ICE2: variants seen among roughly 807,000 people sequenced by gnomAD.
The protein encoded by ICE2 is interactor of little elongation complex ELL subunit 2.
In ICE2, 87 loss-of-function variants were observed where a neutral mutation model predicts 105.4. The observed-to-expected ratio is 0.83, with a 90% CI of 0.69 to 0.99. ICE2 has a LOEUF of 0.99. ICE2 is among the 50% of genes least tolerant of loss of function. The pLI is 0.00. For synonymous variants in ICE2, 399 were observed against 392.0 expected, an observed-to-expected ratio of 1.02 and a Z score of -0.21; for missense variants, 1,323 against 1,146.7, an observed-to-expected ratio of 1.15 and a Z score of -2.22.
intron 9 of ICE2, 75 bp downstream of exon 9, chr15:60,453,528 T>C (rs777687177): frequency 1.3e-6 from 2 of 1,563,828 alleles, no homozygotes; most frequent in Non-Finnish European, 1.7e-6. Flanking sequence ...GGTTTAGGGA[T>C]TTGCAATAAA....
chr15:60,449,526 A>T lies in ICE2; in HGVS notation c.1441T>A (p.Cys481Ser). 6.2e-7 allele frequency: 1 copy of T among 1,614,064 alleles called. No homozygotes were observed. The highest frequency in any genetic ancestry group is 1.3e-5 in the African/African-American group (1 of 75,014). The change falls in exon 10 of 16, where the codon TGC becomes AGC. Residue 481 changes from cysteine (C) to serine (S), a missense_variant. Physicochemically the swap from Cys to Ser is moderately radical, Grantham distance 112 (BLOSUM62 -1). Coordinates refer to ENST00000261520, the MANE Select transcript of ICE2 (RefSeq NM_024611.6). ...VTGMDGGPEECKNKDDQGFES... is the reference protein window; with the variant it reads ...VTGMDGGPEESKNKDDQGFES... ...AATCCCTGATCATCTTTATTTTTGCATTCCTCAGGGCCACCATCCATACCA... is the reference window on the plus strand; with the variant it reads ...AATCCCTGATCATCTTTATTTTTGCTTTCCTCAGGGCCACCATCCATACCA...
Position 60,436,482 on chromosome 15 carries a change from ACGAAATCATT to A in ICE2, c.2426-265_2426-256del, listed in dbSNP as rs549082270. On this transcript the variant is annotated intron_variant, in intron 12 of 15. Coordinates refer to ENST00000261520, the MANE Select transcript of ICE2 (RefSeq NM_024611.6). ...TATATGTTTACACATGTCCACACAT[ACGAAATCATT>A]TCAAAGCCTACAATTTATGAACAAC... Among the ~76,000 whole-genome samples the A allele has an allele frequency of 2.1e-4, 32 of 152,292 alleles. No homozygotes were observed. The East Asian group carries it at 6.0e-3, about 28-fold the overall frequency.
intron 5 of ICE2, among the ~76,000 whole-genome samples, chr15:60,465,465 G>A (rs888810873): frequency 6.6e-6 from 1 of 152,134 alleles, no homozygotes; most frequent in Non-Finnish European, 1.5e-5. Flanking sequence ...GAAACAATAG[G>A]TGTGAGTCAC....
At position 60,469,210 on chromosome 15, in the gene ICE2, C is replaced by T. The variant is rs142670630; in HGVS notation, c.147-888G>A. ...ACTAACGCATGAACAGAAAACCAAA[C>T]ACCACATGTTCTCACTTATAAGTGG... On this transcript the variant is annotated intron_variant, in intron 3 of 15. Coordinates refer to ENST00000261520, the MANE Select transcript of ICE2 (RefSeq NM_024611.6). Among the ~76,000 whole-genome samples, 39 of 152,288 alleles carry T rather than the reference C, an allele frequency of 2.6e-4. No homozygotes were observed. In the East Asian group the frequency reaches 6.0e-3, roughly 23 times the overall value.
intron 13 of ICE2, among the ~76,000 whole-genome samples, chr15:60,433,466 T>TTC (rs368234959): frequency 4.6e-5 from 7 of 151,292 alleles, no homozygotes; most frequent in South Asian, 2.1e-4. Context: ...CTTCCTTTTC[T>TTC]TCTCTCTCTC....
intron 5 of ICE2, among the ~76,000 whole-genome samples, chr15:60,464,637 G>A (rs2064371077): frequency 6.6e-6 from 1 of 152,152 alleles, no homozygotes; most frequent in East Asian, 1.9e-4. Flanking sequence ...CCAGTCCGCA[G>A]GTGGGGGAAG....
chr15:60,434,852 A>G (rs2063547618), intron 13 of ICE2, among the ~76,000 whole-genome samples: 1 of 152,236 alleles, frequency 6.6e-6, no homozygotes. Flanking sequence ...ATTACAGTTC[A>G]TCATAATTTA....
intron 5 of ICE2, among the ~76,000 whole-genome samples, chr15:60,460,718 G>A (rs2064251840): frequency 6.6e-6 from 1 of 152,044 alleles, no homozygotes; most frequent in Non-Finnish European, 1.5e-5. Context: ...CCCCTACCAA[G>A]CTCTAGACAT....
At chr15:60,424,433 C>T (rs936709724) in intron 15 of ICE2, among the ~76,000 whole-genome samples, 9 of 1,982 alleles carry the variant, frequency 4.5e-3, no homozygotes, top group Admixed American at 7.5e-3. Context: ...GGGGAAGGAA[C>T]TTTGCTGTGG....
chr15:60,449,124 C>T lies in ICE2; in HGVS notation c.1843G>A (p.Val615Ile). The part of the protein sequence containing the change: ...SPNSSSGQAS[V>I]GNQTNTACSP... Reference sequence around the variant, plus strand: ...CAAGCAGTATTAGTCTGGTTTCCTACAGAAGCCTGTCCTGAGGAAGAATTT... The same window carrying T: ...CAAGCAGTATTAGTCTGGTTTCCTATAGAAGCCTGTCCTGAGGAAGAATTT... The change falls in exon 10 of 16, where the codon GTA becomes ATA. Residue 615 changes from valine to isoleucine, a missense_variant. Val to Ile is a conservative substitution (Grantham distance 29, BLOSUM62 3). Transcript: ENST00000261520. 1 of 1,614,060 alleles carries T rather than the reference C, an allele frequency of 6.2e-7. No homozygotes were observed. Among genetic ancestry groups the T allele is most frequent in the African/African-American group, 1.3e-5 (1 of 75,028 alleles).
chr15:60,463,547 T>C (rs1399159439), intron 5 of ICE2, among the ~76,000 whole-genome samples: 1 of 152,048 alleles, frequency 6.6e-6, no homozygotes, highest in African/African-American at 2.4e-5. Context: ...CCGAGGCAGG[T>C]AAATCGCCTG....
chr15:60,451,304 A>C, intron 9 of ICE2: 1 of 825,288 alleles, frequency 1.2e-6, no homozygotes, highest in African/African-American at 1.8e-5. Flanking sequence ...TTCCCTTCCC[A>C]AGAATCCAAA....
intron 5 of ICE2, among the ~76,000 whole-genome samples, chr15:60,464,443 T>G (rs1458561701): frequency 6.6e-6 from 1 of 152,154 alleles, no homozygotes; most frequent in Non-Finnish European, 1.5e-5. Context: ...AGGGTCATAC[T>G]ACATTCCATA....
Position 60,448,098 on chromosome 15 carries a change from G to C in ICE2, c.2167C>G (p.Leu723Val), listed in dbSNP as rs756902154. 2.5e-6 allele frequency: 4 copies of C among 1,612,760 alleles called. No homozygotes were observed. Among genetic ancestry groups the C allele is most frequent in the South Asian group, 1.1e-5 (1 of 91,034 alleles). ...QDYVEDTSEY[L>V]APQEGNFVYK... ...ACAAAATTTCCTTCCTGAGGAGCTA[G>C]GTATTCCGATGTATCTTCAACATAG... The change falls in exon 11 of 16, where the codon CTA (leucine) becomes GTA (valine). Residue 723 changes from leucine to valine, a missense_variant. Leu to Val is a conservative substitution (Grantham distance 32, BLOSUM62 1). Transcript: ENST00000261520.
rs575012301 is a variant in ICE2, at chr15:60,465,186, GT to G, written c.528+1407del. Reference sequence around the variant, plus strand: ...TAACAGCAAAATTCTTCCTTACAGTGTTTTTTTTTTCCTTCCTTTTTCTGAG... The same window carrying G: ...TAACAGCAAAATTCTTCCTTACAGTGTTTTTTTTTCCTTCCTTTTTCTGAG... On this transcript the variant is annotated intron_variant, in intron 5 of 15. Transcript: ENST00000261520. 2.1e-4 allele frequency among the ~76,000 whole-genome samples: 31 copies of G among 148,676 alleles called. No homozygotes were observed. In the East Asian group the frequency reaches 5.8e-3, roughly 28 times the overall value.
intron 5 of ICE2, 23 bp from the exon 6 acceptor site, chr15:60,456,817 A>T: frequency 7.1e-7 from 1 of 1,416,926 alleles, no homozygotes; most frequent in Non-Finnish European, 9.4e-7. Context: ...AATTAAGAAA[A>T]ATTCATTTGT....
In ICE2 at chr15:60,449,847, G is replaced by T; in HGVS notation, c.1126-6C>A. On this transcript the variant is annotated splice_polypyrimidine_tract_variant and splice_region_variant and intron_variant, in intron 9 of 15. Transcript: ENST00000261520. ...TCGTTGACTTCACAGGACATCTTATGTAAATAAATTGGTAAAGTATTAGTA... is the reference window on the plus strand; with the variant it reads ...TCGTTGACTTCACAGGACATCTTATTTAAATAAATTGGTAAAGTATTAGTA... The T allele has an allele frequency of 2.5e-6, 4 of 1,598,384 alleles. No homozygotes were observed. Among genetic ancestry groups the T allele is most frequent in the Non-Finnish European group, 3.4e-6 (4 of 1,173,234 alleles).
rs777264158 is a variant in ICE2, at chr15:60,423,623, T to C, written c.*11A>G. On this transcript the variant is annotated 3_prime_UTR_variant, in exon 16 of 16. Transcript: ENST00000261520. ...CTGTTTTTTTAAATTTAGTTTTCCA[T>C]GGTACAGTCCTCAAGTTATTTTTCT... is the stretch of plus-strand genomic sequence containing the variant. 4 of 1,594,682 alleles carry C rather than the reference T, an allele frequency of 2.5e-6. No homozygotes were observed. The highest frequency in any genetic ancestry group is 2.6e-6 in the Non-Finnish European group (3 of 1,173,198).
chr15:60,472,503 AG>A (rs1410399072), intron 3 of ICE2, among the ~76,000 whole-genome samples: 1 of 152,226 alleles, frequency 6.6e-6, no homozygotes, highest in Admixed American at 6.5e-5. Context: ...TTTTTTCTAT[AG>A]TACAAAGTAA....
Sources: gnomAD v4.1 joint callset for allele counts (sites outside exome capture counted in the v4.1 genomes callset) on GRCh38, gnomAD v4.1.1 for gene constraint, MANE v1.5 for transcripts, NCBI Gene and HGNC (gene_info 2026-07-23, HGNC 2026-07-21) for gene names.